Variants in UPB1 observed in about 807,000 individuals in gnomAD.
The protein encoded by UPB1 is beta-ureidopropionase.
A neutral mutation model predicts 49.1 loss-of-function variants in UPB1; 40 were observed. The observed-to-expected ratio is 0.81, with a 90% confidence interval of 0.63 to 1.06. The LOEUF is 1.06. Among genes scored for constraint, UPB1 ranks in the 50% least tolerant of loss-of-function variants. UPB1 has a pLI of 0.00. For synonymous variants in UPB1, 207 were observed against 198.2 expected (o/e 1.04, Z -0.38); for missense variants, 499 against 505.9 (o/e 0.99, Z 0.13).
At chr22:24,521,201 G>T (rs6004173) in intron 7 of UPB1, among the ~76,000 whole-genome samples, 21,253 of 136,886 alleles carry the variant, frequency 0.16, 1,710 homozygotes, top group South Asian at 0.25. Context: ...AAAAAAAAAG[G>T]CCAGGTGCGG....
chr22:24,522,170 G>C (rs2044406470), intron 8 of UPB1, 142 bp downstream of exon 8: 3 of 990,490 alleles, frequency 3.0e-6, no homozygotes, highest in Non-Finnish European at 4.7e-6. Flanking sequence ...ATTCCTCTCT[G>C]CTTTATTGCC....
chr22:24,525,977 C>T lies in UPB1; in HGVS notation c.*183C>T. The T allele has an allele frequency of 1.4e-6, 1 of 692,772 alleles. No individual in the cohort carries two copies. Among genetic ancestry groups the T allele is most frequent in the Non-Finnish European group, 2.5e-6 (1 of 393,302 alleles). The allele number at this position is 692,772 out of a possible 1,614,324, so 42.9% of individuals were successfully genotyped here. A position where few individuals can be genotyped will look rare whatever the true frequency, so the allele number is the denominator to read the frequency against. On this transcript the variant is annotated 3_prime_UTR_variant, in exon 10 of 10. Transcript: ENST00000326010. ...TTAATGGGTAAGGGGCTGCTTACTT[C>T]TGGGGTATTGGAAATGTTTGGGGAC...
At chr22:24,509,511 G>A (rs374864043) in intron 3 of UPB1, among the ~76,000 whole-genome samples, 5 of 152,136 alleles carry the variant, frequency 3.3e-5, no homozygotes, top group African/African-American at 1.2e-4. Flanking sequence ...CCTGTCCAGT[G>A]GTTCCCAAAC....
intron 3 of UPB1, among the ~76,000 whole-genome samples, chr22:24,508,398 A>C (rs1772505910): frequency 6.6e-6 from 1 of 151,700 alleles, no homozygotes; most frequent in African/African-American, 2.4e-5. Context: ...GTCTCTACTA[A>C]ATATACAAAA....
At chr22:24,516,138 A>G (rs1027137633) in intron 6 of UPB1, among the ~76,000 whole-genome samples, 1 of 152,256 alleles carries the variant, frequency 6.6e-6, no homozygotes, top group Non-Finnish European at 1.5e-5. Flanking sequence ...ACATCTGGAC[A>G]AGAGAAGCTG....
At chr22:24,498,449 C>T (rs2043930771) in intron 1 of UPB1, among the ~76,000 whole-genome samples, 1 of 152,128 alleles carries the variant, frequency 6.6e-6, no homozygotes, top group Non-Finnish European at 1.5e-5. Flanking sequence ...AATGGGAGGG[C>T]AGAGAGGCCT....
chr22:24,512,651 A>C lies in UPB1; in HGVS notation c.460-673A>C, dbSNP rs181574510. The stretch of plus-strand genomic sequence containing the variant: ...GATCTCCAGAATTTTTGCATCTTGC[A>C]AATCTGACTCTGTCCCATTAAACAA... On this transcript the variant is annotated intron_variant, in intron 4 of 9. Transcript: ENST00000326010. 5.3e-5 allele frequency among the ~76,000 whole-genome samples: 8 copies of C among 152,322 alleles called. No individual in the cohort carries two copies. The East Asian group carries it at 1.3e-3, about 26-fold the overall frequency.
At chr22:24,512,449 G>GT (rs2044222922) in intron 4 of UPB1, among the ~76,000 whole-genome samples, 1 of 152,178 alleles carries the variant, frequency 6.6e-6, no homozygotes, top group African/African-American at 2.4e-5. Context: ...AGGGACTGAT[G>GT]TTCTTACTTG....
At chr22:24,512,700 T>C (rs938876223) in intron 4 of UPB1, among the ~76,000 whole-genome samples, 4 of 152,124 alleles carry the variant, frequency 2.6e-5, no homozygotes, top group Non-Finnish European at 5.9e-5. Context: ...CCCCAGCCCC[T>C]GGCAACCACC....
chr22:24,522,667 C>T (rs928157514), intron 8 of UPB1, among the ~76,000 whole-genome samples: 1 of 151,762 alleles, frequency 6.6e-6, no homozygotes, highest in Admixed American at 6.6e-5. Flanking sequence ...CATGGTGTCT[C>T]ATGCCTGTAA....
intron 3 of UPB1, among the ~76,000 whole-genome samples, chr22:24,504,009 C>A (rs765998316): frequency 2.0e-5 from 3 of 152,222 alleles, no homozygotes; most frequent in Non-Finnish European, 4.4e-5. Flanking sequence ...GCAAGAGCTG[C>A]CACACAGCAT....
intron 6 of UPB1, chr22:24,518,501 G>T (rs1202698243): frequency 5.3e-5 from 8 of 152,186 alleles, no homozygotes; most frequent in African/African-American, 1.9e-4. Flanking sequence ...TTAAAATGAT[G>T]AATGATGGAA....
At chr22:24,510,986 T>A in intron 4 of UPB1, 143 bp downstream of exon 4, 1 of 792,676 alleles carries the variant, frequency 1.3e-6, no homozygotes, top group South Asian at 1.5e-5. Flanking sequence ...TAGATAAGAC[T>A]ATCTGCCACT....
intron 3 of UPB1, 33 bp from the exon 4 acceptor site, chr22:24,510,716 T>G: frequency 6.2e-7 from 1 of 1,608,070 alleles, no homozygotes; most frequent in Non-Finnish European, 8.5e-7. Context: ...CTGTGCATGT[T>G]GGATATAATT....
Position 24,515,288 on chromosome 22 carries a change from C to A in UPB1, c.709C>A (p.His237Asn), listed in dbSNP as rs778901070. 3 of 1,614,160 alleles carry A rather than the reference C, an allele frequency of 1.9e-6. No individual in the cohort carries two copies. Among genetic ancestry groups the A allele is most frequent in the Non-Finnish European group, 2.5e-6 (3 of 1,180,030 alleles). ...CGCGGTGAACATTTGCTACGGGCGG[C>A]ACCACCCCCTCAACTGGCTTATGTA... ...RIAVNICYGR[H>N]HPLNWLMYSI... The change falls in exon 6 of 10, where the codon CAC becomes AAC. Residue 237 changes from histidine to asparagine, a missense_variant. Physicochemically the swap from His to Asn is moderately conservative, Grantham distance 68 (BLOSUM62 1). Transcript: ENST00000326010.
intron 7 of UPB1, among the ~76,000 whole-genome samples, chr22:24,520,873 C>G (rs1167470697): frequency 6.6e-6 from 1 of 152,182 alleles, no homozygotes; most frequent in African/African-American, 2.4e-5. Flanking sequence ...TATCTGACTT[C>G]TAGCAGCATA....
rs200688546 is a variant in UPB1 at position 24,495,441 on chromosome 22, T to G, written c.38T>G (p.Leu13Trp). 1 of 1,613,610 alleles carries G rather than the reference T, an allele frequency of 6.2e-7. No homozygotes were observed. The highest frequency in any genetic ancestry group is 1.7e-5 in the Admixed American group (1 of 60,018). The change falls in exon 1 of 10, where the codon TTG becomes TGG. Residue 13 changes from leucine to tryptophan, a missense_variant. Coordinates refer to ENST00000326010, the MANE Select transcript of UPB1 (RefSeq NM_016327.3). ...GAEWKSLEEC[L>W]EKHLPLPDLQ... ...GAGTGGAAGTCGCTGGAGGAATGCT[T>G]GGAGAAGCACCTGCCGCTCCCCGAC... is the stretch of plus-strand genomic sequence containing the variant.
At chr22:24,502,037 A>AT (rs1285467016) in intron 2 of UPB1, 89 bp from the exon 3 acceptor site, 28 of 1,366,676 alleles carry the variant, frequency 2.0e-5, no homozygotes, top group Non-Finnish European at 2.9e-5. Flanking sequence ...CCAGGTGGGC[A>AT]TTGATTTTTC....
rs1381879269 is a variant in UPB1, at chr22:24,510,908, C to T, written c.459+65C>T. 1.9e-6 allele frequency: 3 copies of T among 1,549,802 alleles called. No homozygotes were observed. In the African/African-American group the frequency reaches 4.1e-5, roughly 21 times the overall value. On this transcript the variant is annotated intron_variant, in intron 4 of 9. Transcript: ENST00000326010. Reference sequence around the variant, plus strand: ...ATGTGCAAGTCACAGAGCATGACCACAGCTGCCGGGTTTGGCCTTTCACCA... The same window carrying T: ...ATGTGCAAGTCACAGAGCATGACCATAGCTGCCGGGTTTGGCCTTTCACCA...
Sources: allele counts gnomAD v4.1 joint callset (sites outside exome capture counted in the v4.1 genomes callset), GRCh38; gene constraint gnomAD v4.1.1; transcripts MANE v1.5; gene names NCBI Gene and HGNC (gene_info 2026-07-23, HGNC 2026-07-21).